The following CSMD1 variants were observed in gnomAD, a reference collection of about 807,000 sequenced individuals.
The protein encoded by CSMD1 is CUB and Sushi multiple domains 1, also known as CUB and sushi domain-containing protein 1.
Under a neutral mutation model 417.5 loss-of-function variants are expected in CSMD1, and 213 were observed. The ratio of observed to expected loss-of-function variants is 0.51; its 90% CI spans 0.46 to 0.57. The LOEUF (loss-of-function observed/expected upper bound fraction) is 0.57. Among genes scored for constraint, CSMD1 ranks in the 20% least tolerant of loss-of-function variants. The probability of loss-of-function intolerance (pLI) is 0.00; values close to 1 mark genes in which losing one functional copy is unlikely to be tolerated. For synonymous variants in CSMD1, 2,862 were observed against 1,736.8 expected (o/e 1.65, Z -16.11); for missense variants, 6,923 against 4,529.7 (o/e 1.53, Z -15.17).
intron 2 of CSMD1, among the ~76,000 whole-genome samples, chr8:4,508,911 G>T (rs1458213185): frequency 1.3e-5 from 2 of 152,074 alleles, no homozygotes; most frequent in Non-Finnish European, 2.9e-5. Context: ...AAATAGGATG[G>T]TGCACAGGGG....
intron 4 of CSMD1, among the ~76,000 whole-genome samples, chr8:4,011,708 C>A (rs1279011557): frequency 6.6e-6 from 1 of 152,130 alleles, no homozygotes; most frequent in Non-Finnish European, 1.5e-5. Flanking sequence ...CAAGAACTTG[C>A]AAAATAGTAC....
chr8:4,819,143 T>C (rs1368198511), intron 1 of CSMD1, among the ~76,000 whole-genome samples: 4 of 152,210 alleles, frequency 2.6e-5, no homozygotes, highest in African/African-American at 9.7e-5. Flanking sequence ...TCATGCGTCC[T>C]TCTGCTCTAC....
At chr8:3,923,926 G>C (rs753466016) in intron 5 of CSMD1, among the ~76,000 whole-genome samples, 1 of 152,174 alleles carries the variant, frequency 6.6e-6, no homozygotes, top group African/African-American at 2.4e-5. Flanking sequence ...TCATAAAAGA[G>C]TTAGATTTTT....
intron 2 of CSMD1, among the ~76,000 whole-genome samples, chr8:4,549,373 G>A (rs113721299): frequency 2.1e-3 from 314 of 152,162 alleles, no homozygotes; most frequent in African/African-American, 7.2e-3. Context: ...GGGGTATATT[G>A]GTTAACCTAA....
intron 3 of CSMD1, among the ~76,000 whole-genome samples, chr8:4,071,855 T>A (rs1015433387): frequency 1.3e-5 from 2 of 152,110 alleles, no homozygotes; most frequent in African/African-American, 2.4e-5. Context: ...TCCACTCTCA[T>A]GGAACTCCTC....
At chr8:3,892,993 CATGGTTCA>C (rs1807088700) in intron 5 of CSMD1, among the ~76,000 whole-genome samples, 1 of 151,696 alleles carries the variant, frequency 6.6e-6, no homozygotes, top group Non-Finnish European at 1.5e-5. Context: ...ACATAACAAT[CATGGTTCA>C]GTTTTCACAC....
chr8:3,536,128 G>C (rs7813765), intron 10 of CSMD1, among the ~76,000 whole-genome samples: 11,540 of 152,240 alleles, frequency 0.076, 1,218 homozygotes, highest in African/African-American at 0.24. Flanking sequence ...ATACCAAGCT[G>C]TGATATCCGG....
intron 30 of CSMD1, among the ~76,000 whole-genome samples, chr8:3,208,509 C>G (rs977755775): frequency 1.3e-5 from 2 of 152,200 alleles, no homozygotes; most frequent in Admixed American, 1.3e-4. Context: ...TCGTGATCCA[C>G]CTACCTCGGC....
At chr8:3,214,852 C>G (rs920702079) in intron 29 of CSMD1, among the ~76,000 whole-genome samples, 161 bp from the exon 30 acceptor site, 2 of 152,092 alleles carry the variant, frequency 1.3e-5, no homozygotes, top group African/African-American at 4.8e-5. Context: ...TGGCTATTGA[C>G]CAAGTGAAAC....
chr8:3,803,586 G>C (rs539669406), intron 5 of CSMD1, among the ~76,000 whole-genome samples: 15 of 152,196 alleles, frequency 9.9e-5, no homozygotes, highest in African/African-American at 3.6e-4. Context: ...GGTTCATGAA[G>C]GAGAACAAAG....
At chr8:4,853,611 G>T (rs1003996020) in intron 1 of CSMD1, among the ~76,000 whole-genome samples, 1 of 152,212 alleles carries the variant, frequency 6.6e-6, no homozygotes, top group Non-Finnish European at 1.5e-5. Context: ...CAGTGCCAAA[G>T]GGAAATGTGG....
At chr8:3,473,935 G>C (rs1174779299) in intron 11 of CSMD1, among the ~76,000 whole-genome samples, 4 of 152,150 alleles carry the variant, frequency 2.6e-5, no homozygotes, top group African/African-American at 4.8e-5. Context: ...CAGGAGGAGA[G>C]AGCATGTGAG....
intron 1 of CSMD1, among the ~76,000 whole-genome samples, chr8:4,987,502 T>C (rs1181344012): frequency 6.6e-6 from 1 of 152,232 alleles, no homozygotes; most frequent in South Asian, 2.1e-4. Flanking sequence ...CTCTATCATA[T>C]CCACATCATA....
At chr8:3,640,040 C>T (rs932726209) in intron 7 of CSMD1, among the ~76,000 whole-genome samples, 10 of 152,160 alleles carry the variant, frequency 6.6e-5, no homozygotes, top group Admixed American at 2.0e-4. Flanking sequence ...TGAATTAATG[C>T]ATGCATTAAT....
intron 2 of CSMD1, among the ~76,000 whole-genome samples, chr8:4,625,469 G>A (rs955123947): frequency 6.6e-6 from 1 of 151,870 alleles, no homozygotes; most frequent in Admixed American, 6.6e-5. Flanking sequence ...CACAATCATC[G>A]TAAATACTCT....
chr8:4,313,766 A>G (rs916776458), intron 3 of CSMD1, among the ~76,000 whole-genome samples: 4 of 152,096 alleles, frequency 2.6e-5, no homozygotes, highest in African/African-American at 9.7e-5. Context: ...CTGTAATTCC[A>G]GCGTTTTGGG....
At chr8:3,099,446 T>C (rs1327487085) in intron 46 of CSMD1, among the ~76,000 whole-genome samples, 2 of 152,182 alleles carry the variant, frequency 1.3e-5, no homozygotes, top group Admixed American at 6.5e-5. Context: ...CACCTGACTT[T>C]GGGTCTATTC....
chr8:3,662,316 T>C (rs572942393), intron 7 of CSMD1, among the ~76,000 whole-genome samples: 1 of 152,220 alleles, frequency 6.6e-6, no homozygotes, highest in African/African-American at 2.4e-5. Flanking sequence ...ATAAATGTTG[T>C]AAACAGTTAA....
chr8:4,252,750 G>A (rs1446215229), intron 3 of CSMD1, among the ~76,000 whole-genome samples: 1 of 152,204 alleles, frequency 6.6e-6, no homozygotes, highest in Non-Finnish European at 1.5e-5. Flanking sequence ...GCTTTTAGAT[G>A]GGACTGCAGT....
Sources: allele counts gnomAD v4.1 joint callset (sites outside exome capture counted in the v4.1 genomes callset), GRCh38; gene constraint gnomAD v4.1.1; transcripts MANE v1.5; gene names NCBI Gene and HGNC (gene_info 2026-07-23, HGNC 2026-07-21).